The following SCAPER variants were observed in gnomAD, a reference collection of about 807,000 sequenced individuals.
SCAPER encodes the protein S-phase cyclin A associated protein in the ER.
In SCAPER, 98 loss-of-function variants were observed where a neutral mutation model predicts 182.2. The ratio of observed to expected loss-of-function variants is 0.54; its 90% CI spans 0.46 to 0.64. The LOEUF is 0.64. SCAPER is among the 30% of genes least tolerant of loss of function. The probability of loss-of-function intolerance (pLI) is 0.00; values close to 1 mark genes in which losing one functional copy is unlikely to be tolerated. For synonymous variants in SCAPER, 605 were observed against 564.6 expected (o/e 1.07, Z -1.01); for missense variants, 1,432 against 1,690.0 (o/e 0.85, Z 2.68).
chr15:76,459,988 G>C (rs1426097806), intron 25 of SCAPER, among the ~76,000 whole-genome samples: 1 of 152,048 alleles, frequency 6.6e-6, no homozygotes, highest in Non-Finnish European at 1.5e-5. Flanking sequence ...GCAAATAAGT[G>C]GATTTATTTC....
At chr15:76,777,502 C>T (rs2063814959) in intron 8 of SCAPER, among the ~76,000 whole-genome samples, 1 of 151,228 alleles carries the variant, frequency 6.6e-6, no homozygotes, top group South Asian at 2.1e-4. Context: ...AGTTAATGAC[C>T]AGCCTAACAT....
chr15:76,872,114 G>A (rs1341456464), intron 2 of SCAPER, among the ~76,000 whole-genome samples: 2 of 151,808 alleles, frequency 1.3e-5, no homozygotes, highest in Non-Finnish European at 2.9e-5. Context: ...CAGAAGAAAG[G>A]TCAGCGAACT....
At chr15:76,600,800 A>G (rs2049880159) in intron 22 of SCAPER, among the ~76,000 whole-genome samples, 1 of 121,458 alleles carries the variant, frequency 8.2e-6, no homozygotes, top group South Asian at 2.5e-4. Flanking sequence ...ATTCAGAATA[A>G]AATACCAATT....
intron 8 of SCAPER, among the ~76,000 whole-genome samples, chr15:76,792,067 T>G (rs775545431): frequency 1.3e-5 from 2 of 150,362 alleles, no homozygotes; most frequent in African/African-American, 2.4e-5. Flanking sequence ...AGCTGGAGGC[T>G]CTATAATCTT....
chr15:76,877,336 G>C (rs2073244922), intron 2 of SCAPER, among the ~76,000 whole-genome samples: 1 of 152,030 alleles, frequency 6.6e-6, no homozygotes, highest in Admixed American at 6.6e-5. Flanking sequence ...TCAGAGTCCA[G>C]ATAACAAGAG....
At chr15:76,793,718 T>C (rs956996786) in intron 8 of SCAPER, among the ~76,000 whole-genome samples, 1 of 152,192 alleles carries the variant, frequency 6.6e-6, no homozygotes, top group African/African-American at 2.4e-5. Flanking sequence ...TAAATGTGTT[T>C]CCCTGACTTC....
intron 26 of SCAPER, among the ~76,000 whole-genome samples, chr15:76,417,574 G>A (rs985409389): frequency 2.6e-5 from 4 of 152,216 alleles, no homozygotes; most frequent in African/African-American, 7.2e-5. Context: ...CCTTTGGGTG[G>A]ACAGATAATG....
chr15:76,819,070 G>C (rs2067309824), intron 5 of SCAPER, among the ~76,000 whole-genome samples: 1 of 152,248 alleles, frequency 6.6e-6, no homozygotes, highest in African/African-American at 2.4e-5. Context: ...GACTTGAGTA[G>C]GTAAACAAAG....
chr15:76,559,305 C>T (rs191258732), intron 23 of SCAPER, among the ~76,000 whole-genome samples: 68 of 151,348 alleles, frequency 4.5e-4, no homozygotes, highest in African/African-American at 1.5e-3. Flanking sequence ...ATCCACCTGC[C>T]TTGGCTTCCC....
Position 76,471,347 on chromosome 15 carries a change from A to G in SCAPER, c.2955-12T>C. The G allele has an allele frequency of 1.3e-6, 2 of 1,593,054 alleles. No individual in the cohort carries two copies. The highest frequency in any genetic ancestry group is 1.1e-5 in the South Asian group (1 of 86,994). Reference sequence around the variant, plus strand: ...CATTGCAGAGAGACCTAAAAGAAGGAGAAAAACACCATTTATAAAACCCGA... The same window carrying G: ...CATTGCAGAGAGACCTAAAAGAAGGGGAAAAACACCATTTATAAAACCCGA... On this transcript the variant is annotated splice_polypyrimidine_tract_variant and intron_variant, in intron 24 of 31. Transcript: ENST00000563290.
At chr15:76,573,284 T>A (rs2047578883) in intron 23 of SCAPER, among the ~76,000 whole-genome samples, 1 of 152,182 alleles carries the variant, frequency 6.6e-6, no homozygotes, top group Non-Finnish European at 1.5e-5. Flanking sequence ...AATGTAGTGG[T>A]AACAATCTTA....
chr15:76,578,148 ACT>A (rs923415401), intron 22 of SCAPER, among the ~76,000 whole-genome samples: 9 of 151,978 alleles, frequency 5.9e-5, no homozygotes, highest in Non-Finnish European at 2.9e-5. Flanking sequence ...AGTGGTAAGG[ACT>A]TTGTCTTGTG....
intron 20 of SCAPER, among the ~76,000 whole-genome samples, chr15:76,684,251 A>G (rs1271905902): frequency 1.3e-5 from 2 of 152,206 alleles, no homozygotes; most frequent in East Asian, 3.9e-4. Context: ...GTCCCAATTA[A>G]AAGGCACAGA....
rs553753561 is a variant in SCAPER at position 76,629,122 on chromosome 15, C to G, written c.2646-7293G>C. Among the ~76,000 whole-genome samples, 15 of 152,242 alleles carry G rather than the reference C, an allele frequency of 9.9e-5. No homozygotes were observed. In the South Asian group the frequency reaches 3.1e-3, roughly 32 times the overall value. Reference sequence around the variant, plus strand: ...TAACTTTTGCACATTGATTTTGTATCGTGAGACTTTGCTTATCAGCTTAAG... The same window carrying G: ...TAACTTTTGCACATTGATTTTGTATGGTGAGACTTTGCTTATCAGCTTAAG... On this transcript the variant is annotated intron_variant, in intron 21 of 31. Transcript: ENST00000563290.
intron 24 of SCAPER, among the ~76,000 whole-genome samples, chr15:76,488,820 G>A (rs190386012): frequency 7.1e-6 from 1 of 141,442 alleles, no homozygotes; most frequent in East Asian, 2.2e-4. Context: ...CTGCCCCCCA[G>A]GTTCAAGCGA....
chr15:76,745,341 C>T (rs11631082), intron 15 of SCAPER, among the ~76,000 whole-genome samples: 41,415 of 151,886 alleles, frequency 0.27, 6,419 homozygotes, highest in East Asian at 0.55. Context: ...CTCAGCTACT[C>T]GGGAGGCTGA....
chr15:76,806,862 T>A (rs1031473168), intron 5 of SCAPER, among the ~76,000 whole-genome samples: 2 of 152,198 alleles, frequency 1.3e-5, no homozygotes, highest in African/African-American at 4.8e-5. Context: ...TTTTGGATTG[T>A]TTACTCCTAG....
In SCAPER at chr15:76,430,178, C is replaced by A. The variant is rs188604248; in HGVS notation, c.3311+3900G>T. 1.1e-4 allele frequency among the ~76,000 whole-genome samples: 16 copies of A among 152,314 alleles called. No homozygotes were observed. In the East Asian group the frequency reaches 2.9e-3, roughly 28 times the overall value. ...AGATTTCACAGGATGTACGGAAATG[C>A]CTGGGTGCCTAGGCAGAAGTTTGCT... On this transcript the variant is annotated intron_variant, in intron 26 of 31. Coordinates refer to ENST00000563290, the MANE Select transcript of SCAPER (RefSeq NM_020843.4).
chr15:76,802,809 C>G (rs998740136), intron 6 of SCAPER, among the ~76,000 whole-genome samples: 1 of 152,048 alleles, frequency 6.6e-6, no homozygotes, highest in Non-Finnish European at 1.5e-5. Flanking sequence ...TGGCAGGAGG[C>G]GGGGGGAAGC....
Sources: allele counts gnomAD v4.1 joint callset (sites outside exome capture counted in the v4.1 genomes callset), GRCh38; gene constraint gnomAD v4.1.1; transcripts MANE v1.5; gene names NCBI Gene and HGNC (gene_info 2026-07-23, HGNC 2026-07-21).